The following TLN2 variants were observed in gnomAD, a reference collection of about 807,000 sequenced individuals.
The protein encoded by TLN2 is talin-2.
A neutral mutation model predicts 294.7 loss-of-function variants in TLN2; 118 were observed. That is an observed-to-expected ratio of 0.40 (90% CI 0.34 to 0.47). TLN2 has a LOEUF of 0.47. Ranked by LOEUF, TLN2 falls within the 20% of genes least tolerant of loss-of-function variation. The probability of loss-of-function intolerance (pLI) is 0.84; values close to 1 mark genes in which losing one functional copy is unlikely to be tolerated. For missense variants in TLN2, 3,083 were observed against 3,282.2 expected (o/e 0.94, Z 1.48); for synonymous variants, 1,431 against 1,304.5 (o/e 1.10, Z -2.09).
At chr15:62,493,904 C>A (rs1306692929) in intron 1 of TLN2, among the ~76,000 whole-genome samples, 1 of 152,200 alleles carries the variant, frequency 6.6e-6, no homozygotes, top group Admixed American at 6.5e-5. Context: ...AGCCACCATG[C>A]CTGGCCGAGG....
chr15:62,725,020 T>C lies in TLN2; in HGVS notation c.3171T>C (p.Asn1057=), dbSNP rs1420980357. ...CGPMEIDSAL[N]TVQTLKNELQ... ...CGATGGAAATCGATTCAGCTCTGAATACGGTGCAGACGCTTAAGAATGAAC... is the reference window on the plus strand; with the variant it reads ...CGATGGAAATCGATTCAGCTCTGAACACGGTGCAGACGCTTAAGAATGAAC... The change falls in exon 27 of 59, where the codon AAT becomes AAC. Residue 1057 remains asparagine, a synonymous_variant. Coordinates refer to ENST00000636159, the MANE Select transcript of TLN2 (RefSeq NM_015059.3). 2 of 1,613,566 alleles carry C rather than the reference T, an allele frequency of 1.2e-6. No homozygotes were observed. Among genetic ancestry groups the C allele is most frequent in the African/African-American group, 1.3e-5 (1 of 74,922 alleles).
intron 36 of TLN2, chr15:62,755,317 A>G (rs2062176403): frequency 3.7e-6 from 2 of 543,744 alleles, no homozygotes; most frequent in Non-Finnish European, 6.2e-6. Context: ...CTATGTCAGC[A>G]CCTCCTTTTT....
At chr15:62,433,245 C>A (rs1052712895) in intron 1 of TLN2, among the ~76,000 whole-genome samples, 6 of 152,070 alleles carry the variant, frequency 3.9e-5, no homozygotes, top group African/African-American at 1.2e-4. Flanking sequence ...CCACAGGGAC[C>A]CAGGGGACAA....
At chr15:62,824,948 A>G (rs1348594483) in intron 54 of TLN2, among the ~76,000 whole-genome samples, 1 of 152,222 alleles carries the variant, frequency 6.6e-6, no homozygotes, top group Non-Finnish European at 1.5e-5. Context: ...TTAAACAGGT[A>G]GTCATGAAAG....
intron 33 of TLN2, among the ~76,000 whole-genome samples, chr15:62,750,009 G>C (rs1301741044): frequency 6.6e-6 from 1 of 152,220 alleles, no homozygotes; most frequent in Non-Finnish European, 1.5e-5. Flanking sequence ...ATGAAGAAAT[G>C]AATGGCCTTT....
At chr15:62,701,286 A>ATT in intron 17 of TLN2, 72 bp downstream of exon 17, 1 of 1,247,658 alleles carries the variant, frequency 8.0e-7, no homozygotes, top group Non-Finnish European at 1.1e-6. Flanking sequence ...TAATTTTAAA[A>ATT]AATAAGTTAT....
In TLN2 at chr15:62,833,564, G is replaced by A; in HGVS notation, c.7063G>A (p.Ala2355Thr). Reference sequence around the variant, plus strand: ...CTTGGAAGCTGCTAAATCCATTGCTGCTGCCACAAGCGCCCTGGTCAAATC... The same window carrying A: ...CTTGGAAGCTGCTAAATCCATTGCTACTGCCACAAGCGCCCTGGTCAAATC... Reference protein sequence around the residue: ...QILEAAKSIAAATSALVKSAS... With the variant: ...QILEAAKSIATATSALVKSAS... The change falls in exon 55 of 59, where the codon GCT becomes ACT. Residue 2355 changes from alanine to threonine, a missense_variant. Transcript: ENST00000636159. 1 of 1,614,174 alleles carries A rather than the reference G, an allele frequency of 6.2e-7. No homozygotes were observed. The highest frequency in any genetic ancestry group is 8.5e-7 in the Non-Finnish European group (1 of 1,180,032).
chr15:62,742,072 T>TGTGTGTGTGTGTGTGTGTGA lies in TLN2; in HGVS notation c.4025+1306_4025+1307insTGTGTGTGTGTGTGTGAGTG, dbSNP rs1272145437. On this transcript the variant is annotated intron_variant, in intron 32 of 58. Transcript: ENST00000636159. ...GTGTGTGTGTGTGTGTGTGTGTGTG[T>TGTGTGTGTGTGTGTGTGTGA]GTGAAGGGTTAGACACTGTCAGAGC... Among the ~76,000 whole-genome samples, 7 of 142,408 alleles carry TGTGTGTGTGTGTGTGTGTGA rather than the reference T, an allele frequency of 4.9e-5. 1 individual carries two copies. The highest frequency in any genetic ancestry group is 1.6e-4 in the African/African-American group (6 of 37,658). 93.4% of individuals were successfully genotyped at this position (142,408 alleles called of 152,430 possible). A position where few individuals can be genotyped will look rare whatever the true frequency, so the allele number is the denominator to read the frequency against.
chr15:62,502,519 A>G (rs2039363050), intron 1 of TLN2, among the ~76,000 whole-genome samples: 1 of 151,668 alleles, frequency 6.6e-6, no homozygotes, highest in African/African-American at 2.4e-5. Flanking sequence ...ATGGGGGTTT[A>G]TTGCCGAGGC....
At chr15:62,775,877 C>T (rs989575882) in intron 42 of TLN2, among the ~76,000 whole-genome samples, 5 of 152,202 alleles carry the variant, frequency 3.3e-5, no homozygotes, top group African/African-American at 9.6e-5. Flanking sequence ...TGATTTCCTC[C>T]TAGACTGCCC....
intron 7 of TLN2, 71 bp from the exon 8 acceptor site, chr15:62,655,872 TC>T: frequency 1.1e-5 from 17 of 1,558,170 alleles, no homozygotes; most frequent in Non-Finnish European, 1.3e-5. Flanking sequence ...ATCACACTGC[TC>T]TTTTGGTAAA....
At chr15:62,728,768 T>A (rs886899744) in intron 28 of TLN2, among the ~76,000 whole-genome samples, 1 of 152,232 alleles carries the variant, frequency 6.6e-6, no homozygotes, top group African/African-American at 2.4e-5. Context: ...ATAGGAGTTC[T>A]TTGTTACTTA....
chr15:62,427,905 G>C (rs2034804533), intron 1 of TLN2, among the ~76,000 whole-genome samples: 1 of 152,170 alleles, frequency 6.6e-6, no homozygotes, highest in Admixed American at 6.5e-5. Context: ...GCTAGGCAGT[G>C]TCAGATACGT....
chr15:62,425,131 T>G (rs2034635255), intron 1 of TLN2, among the ~76,000 whole-genome samples: 1 of 152,000 alleles, frequency 6.6e-6, no homozygotes, highest in Admixed American at 6.6e-5. Flanking sequence ...TTTTGTATTT[T>G]TAGTAGAGGC....
intron 1 of TLN2, among the ~76,000 whole-genome samples, chr15:62,448,243 T>C (rs146799149): frequency 1.3e-5 from 2 of 152,318 alleles, no homozygotes; most frequent in Admixed American, 6.5e-5. Flanking sequence ...TCCACAGCAC[T>C]GAGGAGTGAC....
At chr15:62,391,247 C>T (rs989001559) in intron 1 of TLN2, among the ~76,000 whole-genome samples, 2 of 152,256 alleles carry the variant, frequency 1.3e-5, no homozygotes, top group African/African-American at 4.8e-5. Context: ...GGAGTTCCTT[C>T]TCCGGTGCCG....
At chr15:62,769,482 A>T (rs1178354226) in intron 41 of TLN2, among the ~76,000 whole-genome samples, 1 of 152,246 alleles carries the variant, frequency 6.6e-6, no homozygotes, top group African/African-American at 2.4e-5. Context: ...AAGGCTCCCT[A>T]AGGGCCGGGA....
At chr15:62,605,968 T>G (rs919089797) in intron 2 of TLN2, among the ~76,000 whole-genome samples, 2 of 152,354 alleles carry the variant, frequency 1.3e-5, no homozygotes, top group South Asian at 4.1e-4. Context: ...TTTGATAGAC[T>G]TGTCTAGAGG....
At chr15:62,445,690 G>GTCT (rs1386064182) in intron 1 of TLN2, among the ~76,000 whole-genome samples, 2 of 151,962 alleles carry the variant, frequency 1.3e-5, no homozygotes, top group Non-Finnish European at 2.9e-5. Flanking sequence ...GGGAGACAGG[G>GTCT]TCTTGCTCTG....
Sources: gnomAD v4.1 joint callset for allele counts (sites outside exome capture counted in the v4.1 genomes callset) on GRCh38, gnomAD v4.1.1 for gene constraint, MANE v1.5 for transcripts, NCBI Gene and HGNC (gene_info 2026-07-23, HGNC 2026-07-21) for gene names.